MORC4: variants seen among roughly 807,000 people sequenced by gnomAD.
MORC4 encodes the protein MORC family CW-type zinc finger protein 4.
A neutral mutation model predicts 65.5 loss-of-function variants in MORC4; 22 were observed. The observed-to-expected ratio is 0.34, with a 90% CI of 0.24 to 0.48. The LOEUF is 0.48. Among genes scored for constraint, MORC4 ranks in the 20% least tolerant of loss-of-function variants. The pLI, the probability that MORC4 is intolerant of heterozygous loss-of-function variation, is 0.99. For missense variants in MORC4, 624 were observed against 703.0 expected, an observed-to-expected ratio of 0.89 and a Z score of 1.27; for synonymous variants, 267 against 255.8, an observed-to-expected ratio of 1.04 and a Z score of -0.42.
intron 9 of MORC4, among the ~76,000 whole-genome samples, chrX:106,966,391 G>T (rs1292820547): frequency 8.9e-6 from 1 of 112,561 alleles, no homozygotes; most frequent in Non-Finnish European, 1.9e-5. Context: ...GGTAATTTCT[G>T]CATTTCCAAC....
chrX:106,994,373 C>T (rs1414997437), intron 2 of MORC4, among the ~76,000 whole-genome samples: 2 of 111,666 alleles, frequency 1.8e-5, no homozygotes, highest in Non-Finnish European at 3.8e-5. Context: ...GAGTCCTTCC[C>T]TTCCACCCTC....
At position 106,942,658 on chromosome X, in the gene MORC4, T is replaced by G; in HGVS notation, c.2233A>C (p.Ile745Leu). The part of the protein sequence containing the change: ...VASAAIPAAA[I>L]GEKARGYEES... ...TCATAGCCTCTTGCTTTCTCCCCAATGGCTGCAGCAGGGATTGCAGCAGAG... is the reference window on the plus strand; with the variant it reads ...TCATAGCCTCTTGCTTTCTCCCCAAGGGCTGCAGCAGGGATTGCAGCAGAG... The change falls in exon 15 of 17, where the codon ATT becomes CTT. Residue 745 changes from isoleucine to leucine, a missense_variant. Ile to Leu is a conservative substitution (Grantham distance 5). Transcript: ENST00000355610. The G allele has an allele frequency of 8.3e-7, 1 of 1,211,581 alleles. No homozygotes were observed. Among genetic ancestry groups the G allele is most frequent in the African/African-American group, 1.7e-5 (1 of 57,745 alleles).
At chrX:106,953,288 G>A (rs1460086015) in intron 14 of MORC4, among the ~76,000 whole-genome samples, 1 of 111,473 alleles carries the variant, frequency 9.0e-6, no homozygotes, top group Non-Finnish European at 1.9e-5. Flanking sequence ...GGTTATAAAA[G>A]AAACACTGGA....
chrX:106,954,323 A>C (rs1348499708), intron 14 of MORC4, among the ~76,000 whole-genome samples: 1 of 112,404 alleles, frequency 8.9e-6, no homozygotes, highest in Non-Finnish European at 1.9e-5. Context: ...GATATCTAAG[A>C]AAAAGAACAG....
rs984071655 is a variant in MORC4 at position 107,000,172 on chromosome X, G to A, written c.-203C>T. 1.2e-4 allele frequency: 16 copies of A among 129,942 alleles called. No homozygotes were observed. The highest frequency in any genetic ancestry group is 8.8e-5 in the Admixed American group (1 of 11,405). The allele number at this position is 129,942 out of a possible 1,213,427, so 10.7% of individuals were successfully genotyped here. A position where few individuals can be genotyped will look rare whatever the true frequency, so the allele number is the denominator to read the frequency against. On this transcript the variant is annotated 5_prime_UTR_variant, in exon 1 of 17. Coordinates refer to ENST00000355610, the MANE Select transcript of MORC4 (RefSeq NM_024657.5). ...AGGGGTGAGGCCGGCTGAGGCAAGC[G>A]GCGGCTCCGCCCTGTCAGCACCTCT...
intron 16 of MORC4, 52 bp from the exon 17 acceptor site, chrX:106,941,684 C>A: frequency 8.9e-7 from 1 of 1,127,839 alleles, no homozygotes. Context: ...AGTCATTAAC[C>A]AACAGAATAA....
At chrX:106,972,936 C>G (rs1934554082) in intron 9 of MORC4, among the ~76,000 whole-genome samples, 1 of 112,442 alleles carries the variant, frequency 8.9e-6, no homozygotes, top group Non-Finnish European at 1.9e-5. Flanking sequence ...CAAAAACAAA[C>G]AAACAAACAA....
chrX:106,978,854 GC>G (rs1934682791), intron 7 of MORC4, among the ~76,000 whole-genome samples: 1 of 111,220 alleles, frequency 9.0e-6, no homozygotes, highest in African/African-American at 3.3e-5. Flanking sequence ...CACAATGAAA[GC>G]AAAAGCAAAG....
intron 5 of MORC4, among the ~76,000 whole-genome samples, chrX:106,983,712 CT>C (rs201198417): frequency 1.5e-3 from 143 of 98,451 alleles, no homozygotes; most frequent in Middle Eastern, 5.1e-3. Flanking sequence ...TTTTCTACTT[CT>C]TTTTTTTTTT....
intron 14 of MORC4, among the ~76,000 whole-genome samples, chrX:106,944,297 G>A (rs1284062535): frequency 2.7e-5 from 3 of 111,630 alleles, no homozygotes; most frequent in Non-Finnish European, 3.8e-5. Context: ...AAAGCAAAAG[G>A]ACTTAGGAGC....
chrX:106,985,682 A>G (rs748001876), intron 4 of MORC4, among the ~76,000 whole-genome samples: 6 of 109,909 alleles, frequency 5.5e-5, no homozygotes, highest in African/African-American at 2.0e-4. Context: ...CTTAGGGGAA[A>G]AAAAAAAAAA....
intron 3 of MORC4, among the ~76,000 whole-genome samples, chrX:106,988,245 C>T (rs1934912101): frequency 9.0e-6 from 1 of 111,664 alleles, no homozygotes; most frequent in Non-Finnish European, 1.9e-5. Flanking sequence ...ACCACAAAAG[C>T]TTCAATTAGG....
chrX:106,960,447 A>T (rs756868115), intron 10 of MORC4, among the ~76,000 whole-genome samples: 1 of 111,410 alleles, frequency 9.0e-6, no homozygotes, highest in Non-Finnish European at 1.9e-5. Context: ...GGTTTAGGGG[A>T]CCTGATTACC....
chrX:106,994,291 G>A lies in MORC4; in HGVS notation c.176-929C>T, dbSNP rs375063646. ...ATGTGGCTCACTGGCCACAATTGAG[G>A]GGCAGTTTATACAATCTGTTGGATA... On this transcript the variant is annotated intron_variant, in intron 2 of 16. Coordinates refer to ENST00000355610, the MANE Select transcript of MORC4 (RefSeq NM_024657.5). Among the ~76,000 whole-genome samples, 56 of 111,568 alleles carry A rather than the reference G, an allele frequency of 5.0e-4. No individual in the cohort carries two copies. In the Middle Eastern group the frequency reaches 0.014, roughly 27 times the overall value.
chrX:106,955,333 C>T (rs934582069), intron 13 of MORC4, among the ~76,000 whole-genome samples: 4 of 110,116 alleles, frequency 3.6e-5, no homozygotes, highest in Non-Finnish European at 7.6e-5. Context: ...CTAGAATTAT[C>T]CCACCCCCAA....
intron 13 of MORC4, 78 bp downstream of exon 13, chrX:106,956,402 T>C (rs1293745948): frequency 1.9e-5 from 16 of 844,253 alleles, no homozygotes; most frequent in East Asian, 3.1e-5. Context: ...GCTTTCAAGA[T>C]TGCTGCTTCC....
intron 9 of MORC4, among the ~76,000 whole-genome samples, chrX:106,965,236 T>C (rs1038561107): frequency 1.8e-5 from 2 of 111,949 alleles, no homozygotes; most frequent in Non-Finnish European, 3.8e-5. Context: ...TTGTAAGGAA[T>C]TGAAGTTAAG....
chrX:106,993,262 C>A lies in MORC4; in HGVS notation c.276G>T (p.Gly92=), dbSNP rs1290375119. ...SCLTFTDDGC[G]MTPHKLHRML... ...TTCGGTGTAGTTTATGAGGTGTCAT[C>A]CCACATCCATCATCGGTAAAGGTCA... Residue 92 remains glycine (G), a synonymous_variant, in exon 3 of 17, where the codon GGG becomes GGT. Coordinates refer to ENST00000355610, the MANE Select transcript of MORC4 (RefSeq NM_024657.5). 8.3e-7 allele frequency: 1 copy of A among 1,210,153 alleles called. No individual in the cohort carries two copies. Among genetic ancestry groups the A allele is most frequent in the Admixed American group, 2.2e-5 (1 of 46,078 alleles).
intron 3 of MORC4, among the ~76,000 whole-genome samples, chrX:106,989,628 G>A (rs1040462321): frequency 9.0e-6 from 1 of 111,409 alleles, no homozygotes; most frequent in African/African-American, 3.3e-5. Context: ...CAGCACTTTG[G>A]GAGGCCGAGG....
Sources: gnomAD v4.1 joint callset for allele counts (sites outside exome capture counted in the v4.1 genomes callset) on GRCh38, gnomAD v4.1.1 for gene constraint, MANE v1.5 for transcripts, NCBI Gene and HGNC (gene_info 2026-07-23, HGNC 2026-07-21) for gene names.